PCSK9: variants seen among roughly 807,000 people sequenced by gnomAD.
PCSK9 encodes the protein proprotein convertase subtilisin/kexin type 9, also known as convertase subtilisin/kexin type 9 preproprotein.
A neutral mutation model predicts 62.1 loss-of-function variants in PCSK9; 57 were observed. That is an observed-to-expected ratio of 0.92 (90% CI 0.74 to 1.14). PCSK9 has a LOEUF of 1.14. Ranked by LOEUF, PCSK9 falls within the 50% of genes most tolerant of loss-of-function variation. The pLI is 0.00. For synonymous variants in PCSK9, 387 were observed against 409.4 expected, an observed-to-expected ratio of 0.95 and a Z score of 0.66; for missense variants, 870 against 959.8, an observed-to-expected ratio of 0.91 and a Z score of 1.24.
chr1:55,046,547 T>C lies in PCSK9; in HGVS notation c.424T>C (p.Tyr142His). 3 of 1,614,138 alleles carry C rather than the reference T, an allele frequency of 1.9e-6. No individual in the cohort carries two copies. The highest frequency in any genetic ancestry group is 2.5e-6 in the Non-Finnish European group (3 of 1,180,006). Reference protein sequence around the residue: ...ELALKLPHVDYIEEDSSVFAQ... With the variant: ...ELALKLPHVDHIEEDSSVFAQ... The stretch of plus-strand genomic sequence containing the variant: ...GGCCTTGAAGTTGCCCCATGTCGAC[T>C]ACATCGAGGAGGACTCCTCTGTCTT... Residue 142 changes from tyrosine to histidine, a missense_variant, in exon 3 of 12, where the codon TAC becomes CAC. Transcript: ENST00000302118.
Position 55,039,827 on chromosome 1 carries a change from C to G in PCSK9, c.-11C>G. The G allele has an allele frequency of 6.4e-7, 1 of 1,567,262 alleles. No homozygotes were observed. Among genetic ancestry groups the G allele is most frequent in the Non-Finnish European group, 8.6e-7 (1 of 1,157,166 alleles). ...CTCCTCGCCAGGACAGCAACCTCTC[C>G]CCTGGCCCTCATGGGCACCGTCAGC... On this transcript the variant is annotated 5_prime_UTR_variant, in exon 1 of 12. Transcript: ENST00000302118.
Position 55,043,924 on chromosome 1 carries a change from C to T in PCSK9, c.289C>T (p.Arg97Cys), listed in dbSNP as rs140319509. The T allele has an allele frequency of 1.7e-5, 27 of 1,614,192 alleles. No homozygotes were observed. The highest frequency in any genetic ancestry group is 1.7e-4 in the Middle Eastern group (1 of 6,060). The change falls in exon 2 of 12, where the codon CGC (arginine) becomes TGC (cysteine). Residue 97 changes from arginine (R) to cysteine (C), a missense_variant. Coordinates refer to ENST00000302118, the MANE Select transcript of PCSK9 (RefSeq NM_174936.4). ...HLSQSERTARRLQAQAARRGY... is the reference protein window; with the variant it reads ...HLSQSERTARCLQAQAARRGY... ...CTCGCAGTCAGAGCGCACTGCCCGCCGCCTGCAGGCCCAGGCTGCCCGCCG... is the reference window on the plus strand; with the variant it reads ...CTCGCAGTCAGAGCGCACTGCCCGCTGCCTGCAGGCCCAGGCTGCCCGCCG...
rs769278867 is a variant in PCSK9 at position 55,063,506 on chromosome 1, C to T, written c.2001C>T (p.Thr667=). Residue 667 remains threonine, a synonymous_variant, in exon 12 of 12, where the codon ACC becomes ACT. Transcript: ENST00000302118. ...GGGACGTCAGCACTACAGGCAGCAC[C>T]AGCGAAGGGGCCGTGACAGCCGTTG... The part of the protein sequence containing the change: ...RSRDVSTTGS[T]SEGAVTAVAI... 6 of 1,613,978 alleles carry T rather than the reference C, an allele frequency of 3.7e-6. No individual in the cohort carries two copies. The South Asian group carries it at 6.6e-5, about 18-fold the overall frequency.
intron 3 of PCSK9, among the ~76,000 whole-genome samples, chr1:55,050,405 C>G (rs186329941): frequency 6.6e-6 from 1 of 152,330 alleles, no homozygotes; most frequent in Non-Finnish European, 1.5e-5. Context: ...GAGCTCACAG[C>G]GCTCTCAGCC....
At chr1:55,044,899 A>ATGACAGGGAT (rs1553136063) in intron 2 of PCSK9, among the ~76,000 whole-genome samples, 2 of 152,190 alleles carry the variant, frequency 1.3e-5, no homozygotes, top group African/African-American at 4.8e-5. Flanking sequence ...CTGTGGCGCC[A>ATGACAGGGAT]TGACAGGGAT....
At chr1:55,044,628 C>G (rs904686426) in intron 2 of PCSK9, among the ~76,000 whole-genome samples, 1 of 152,204 alleles carries the variant, frequency 6.6e-6, no homozygotes, top group Non-Finnish European at 1.5e-5. Context: ...TCTGCACCAC[C>G]TTCTAGCCCA....
intron 5 of PCSK9, among the ~76,000 whole-genome samples, chr1:55,055,383 CCT>C (rs566604075): frequency 6.6e-6 from 1 of 151,954 alleles, no homozygotes; most frequent in Non-Finnish European, 1.5e-5. Flanking sequence ...CCTCTTGGTG[CCT>C]CTCTTTCATG....
intron 11 of PCSK9, among the ~76,000 whole-genome samples, chr1:55,063,000 G>A (rs1481638442): frequency 3.3e-5 from 5 of 152,158 alleles, no homozygotes; most frequent in Admixed American, 3.3e-4. Context: ...GTGGGAGAGG[G>A]GGAGGATGGC....
chr1:55,059,917 A>C (rs1394843741), intron 10 of PCSK9, among the ~76,000 whole-genome samples: 1 of 152,216 alleles, frequency 6.6e-6, no homozygotes, highest in African/African-American at 2.4e-5. Context: ...GATGGGCAGC[A>C]TCTAGGGCAC....
chr1:55,057,089 TA>T (rs1644721077), intron 6 of PCSK9, among the ~76,000 whole-genome samples: 2 of 152,088 alleles, frequency 1.3e-5, no homozygotes, highest in Non-Finnish European at 2.9e-5. Flanking sequence ...CACTAGGATG[TA>T]AACTCCACAG....
intron 9 of PCSK9, 68 bp downstream of exon 9, chr1:55,058,715 G>GCA (rs1483065392): frequency 7.3e-5 from 71 of 970,568 alleles, no homozygotes; most frequent in South Asian, 1.5e-4. Flanking sequence ...GTGTGTGTGT[G>GCA]TGTCAGTGCT....
In PCSK9 at chr1:55,052,158, G is replaced by A; in HGVS notation, c.524-120G>A. 4 of 1,367,748 alleles carry A rather than the reference G, an allele frequency of 2.9e-6. No individual in the cohort carries two copies. In the Admixed American group the frequency reaches 6.7e-5, roughly 23 times the overall value. The allele number at this position is 1,367,748 out of a possible 1,614,324, so 84.7% of individuals were successfully genotyped here. A position where few individuals can be genotyped will look rare whatever the true frequency, so the allele number is the denominator to read the frequency against. ...TGAGGATTTTTTGGAGGTTAAACGA[G>A]TGAATATATTTAAGGCGCTTTCACC... On this transcript the variant is annotated intron_variant, in intron 3 of 11. Transcript: ENST00000302118.
intron 2 of PCSK9, among the ~76,000 whole-genome samples, chr1:55,045,958 C>T (rs1221933751): frequency 6.6e-6 from 1 of 152,178 alleles, no homozygotes; most frequent in Non-Finnish European, 1.5e-5. Flanking sequence ...GATCCCCCAC[C>T]TCGGCCTCCC....
intron 1 of PCSK9, among the ~76,000 whole-genome samples, chr1:55,041,166 G>A (rs1052743782): frequency 2.6e-5 from 4 of 152,202 alleles, no homozygotes; most frequent in Admixed American, 1.3e-4. Context: ...GCCCCGGGGG[G>A]ATCACTTGCA....
intron 3 of PCSK9, among the ~76,000 whole-genome samples, 182 bp downstream of exon 3, chr1:55,046,828 G>A (rs1366193688): frequency 6.6e-6 from 1 of 151,878 alleles, no homozygotes; most frequent in Non-Finnish European, 1.5e-5. Context: ...CTGCCTTCCT[G>A]TTGCCCCACA....
chr1:55,048,429 C>A (rs980987477), intron 3 of PCSK9, among the ~76,000 whole-genome samples: 1 of 152,230 alleles, frequency 6.6e-6, no homozygotes, highest in African/African-American at 2.4e-5. Flanking sequence ...CCCTCCTCTC[C>A]CTTGGGCCAG....
At position 55,040,057 on chromosome 1, in the gene PCSK9, G is replaced by A; in HGVS notation, c.207+13G>A. 6.4e-7 allele frequency: 1 copy of A among 1,555,290 alleles called. No homozygotes were observed. The highest frequency in any genetic ancestry group is 8.7e-7 in the Non-Finnish European group (1 of 1,150,074). Reference sequence around the variant, plus strand: ...CCGCTGCGCCAAGGTGCGGGTGTAGGGATGGGAGGCCGGGGCGAACCCGCA... The same window carrying A: ...CCGCTGCGCCAAGGTGCGGGTGTAGAGATGGGAGGCCGGGGCGAACCCGCA... On this transcript the variant is annotated intron_variant, in intron 1 of 11. Transcript: ENST00000302118. This position sits in a 1 kb window ranked among gnomAD's most constrained non-coding sequence, Gnocchi z 4.1.
rs1199925032 is a variant in PCSK9 at position 55,051,158 on chromosome 1, C to T, written c.524-1120C>T. 1.3e-5 allele frequency: 6 copies of T among 456,198 alleles called. No individual in the cohort carries two copies. The East Asian group carries it at 4.2e-4, about 32-fold the overall frequency. 28.3% of individuals were successfully genotyped at this position (456,198 alleles called of 1,614,324 possible). On this transcript the variant is annotated intron_variant, in intron 3 of 11. Transcript: ENST00000302118. ...ACGCCCTGAGCCTCCCACACTTGCT[C>T]ACCTGTCCTGAGATGAGAATCTCTA...
In PCSK9 at chr1:55,043,877, T is replaced by A. The variant is rs1048283339; in HGVS notation, c.242T>A (p.Val81Glu). The change falls in exon 2 of 12, where the codon GTG (valine) becomes GAG (glutamate). Residue 81 changes from valine (V) to glutamate (E), a missense_variant. Coordinates refer to ENST00000302118, the MANE Select transcript of PCSK9 (RefSeq NM_174936.4). ...AGGTTGCCTGGCACCTACGTGGTGG[T>A]GCTGAAGGAGGAGACCCACCTCTCG... ...PWRLPGTYVV[V>E]LKEETHLSQS... 5 of 1,614,032 alleles carry A rather than the reference T, an allele frequency of 3.1e-6. No homozygotes were observed. In the African/African-American group the frequency reaches 5.3e-5, roughly 17 times the overall value.
Sources: allele counts gnomAD v4.1 joint callset (sites outside exome capture counted in the v4.1 genomes callset), GRCh38; gene constraint gnomAD v4.1.1; non-coding constraint Gnocchi (gnomAD v3.1); transcripts MANE v1.5; gene names NCBI Gene and HGNC (gene_info 2026-07-23, HGNC 2026-07-21).